BMPER: variants seen among roughly 807,000 people sequenced by gnomAD.
BMPER encodes the protein BMP binding endothelial regulator.
A neutral mutation model predicts 87.3 loss-of-function variants in BMPER; 45 were observed. The ratio of observed to expected loss-of-function variants is 0.52; its 90% CI spans 0.41 to 0.66. The LOEUF (loss-of-function observed/expected upper bound fraction) is 0.66. BMPER is among the 30% of genes least tolerant of loss of function. BMPER has a pLI of 0.00. For missense variants in BMPER, 784 were observed against 867.5 expected (o/e 0.90, Z 1.21); for synonymous variants, 326 against 316.2 (o/e 1.03, Z -0.33).
At chr7:34,115,493 CTCCTT>C (rs1183240790) in intron 13 of BMPER, among the ~76,000 whole-genome samples, 1 of 152,176 alleles carries the variant, frequency 6.6e-6, no homozygotes, top group African/African-American at 2.4e-5. Context: ...AGTAATCACT[CTCCTT>C]TTCCACCTTA....
At chr7:34,032,733 A>T (rs896592149) in intron 6 of BMPER, among the ~76,000 whole-genome samples, 4 of 152,178 alleles carry the variant, frequency 2.6e-5, no homozygotes, top group Non-Finnish European at 5.9e-5. Context: ...TGCTTTTTAA[A>T]GTAAAATTCA....
At chr7:33,944,221 A>C (rs1784828944) in intron 3 of BMPER, among the ~76,000 whole-genome samples, 1 of 152,088 alleles carries the variant, frequency 6.6e-6, no homozygotes, top group Non-Finnish European at 1.5e-5. Context: ...GCTGGAGTGC[A>C]GTAGTGTGAT....
intron 2 of BMPER, among the ~76,000 whole-genome samples, chr7:33,914,800 A>G (rs1289835780): frequency 6.6e-6 from 1 of 152,232 alleles, no homozygotes; most frequent in Non-Finnish European, 1.5e-5. Flanking sequence ...GAAAAATTAT[A>G]GAGGCAAGAG....
intron 10 of BMPER, 40 bp downstream of exon 10, chr7:34,058,203 G>T: frequency 6.4e-7 from 1 of 1,571,894 alleles, no homozygotes; most frequent in South Asian, 1.1e-5. Flanking sequence ...TTAGCGTCTT[G>T]AGAAATGTCC....
chr7:33,911,985 A>G (rs758548977), intron 2 of BMPER, among the ~76,000 whole-genome samples: 5 of 152,342 alleles, frequency 3.3e-5, no homozygotes, highest in Non-Finnish European at 7.3e-5. Context: ...AAGGTTTGTC[A>G]GAAATGTTTA....
chr7:33,956,621 C>T (rs546730379), intron 3 of BMPER, among the ~76,000 whole-genome samples: 1 of 152,216 alleles, frequency 6.6e-6, no homozygotes, highest in South Asian at 2.1e-4. Flanking sequence ...GACAGCAAGA[C>T]CAACCACTCC....
chr7:33,924,261 T>C (rs976895310), intron 2 of BMPER, among the ~76,000 whole-genome samples: 7 of 152,216 alleles, frequency 4.6e-5, no homozygotes, highest in Admixed American at 4.6e-4. Context: ...TTGGATTATT[T>C]CTAACTACCT....
intron 6 of BMPER, among the ~76,000 whole-genome samples, chr7:34,043,688 G>T (rs1284341874): frequency 6.6e-6 from 1 of 152,108 alleles, no homozygotes; most frequent in Non-Finnish European, 1.5e-5. Context: ...TATATTCACT[G>T]CTGTATCCCC....
chr7:33,911,180 G>A (rs1197147348), intron 2 of BMPER, among the ~76,000 whole-genome samples: 1 of 152,244 alleles, frequency 6.6e-6, no homozygotes, highest in African/African-American at 2.4e-5. Flanking sequence ...TTTAGAAGGT[G>A]ATGTGACCAA....
At chr7:34,141,959 C>T (rs1790886287) in intron 13 of BMPER, among the ~76,000 whole-genome samples, 1 of 152,160 alleles carries the variant, frequency 6.6e-6, no homozygotes, top group Admixed American at 6.5e-5. Flanking sequence ...CAGTTGTGCA[C>T]AGGTCCCACA....
At chr7:34,146,036 C>A (rs1279917766) in intron 14 of BMPER, among the ~76,000 whole-genome samples, 1 of 152,018 alleles carries the variant, frequency 6.6e-6, no homozygotes, top group African/African-American at 2.4e-5. Flanking sequence ...CTCTCTCTCA[C>A]ATATACACAC....
At chr7:34,076,298 T>C (rs1788863253) in intron 11 of BMPER, among the ~76,000 whole-genome samples, 1 of 152,142 alleles carries the variant, frequency 6.6e-6, no homozygotes, top group African/African-American at 2.4e-5. Flanking sequence ...AGTTTGACTC[T>C]AAAAAACAAA....
At chr7:34,137,298 T>C (rs764207074) in intron 13 of BMPER, among the ~76,000 whole-genome samples, 2 of 152,220 alleles carry the variant, frequency 1.3e-5, no homozygotes, top group Non-Finnish European at 2.9e-5. Flanking sequence ...GAGGCTGTTA[T>C]GGCCAACAGC....
chr7:34,106,626 G>C (rs1448811198), intron 13 of BMPER, among the ~76,000 whole-genome samples: 1 of 152,192 alleles, frequency 6.6e-6, no homozygotes, highest in Admixed American at 6.5e-5. Context: ...CCCAACCTCT[G>C]CCTGGTGAGT....
chr7:34,107,253 G>A (rs1054739801), intron 13 of BMPER, among the ~76,000 whole-genome samples: 1 of 152,206 alleles, frequency 6.6e-6, no homozygotes, highest in African/African-American at 2.4e-5. Flanking sequence ...ATCAGAATTA[G>A]AATAAATCTT....
intron 6 of BMPER, among the ~76,000 whole-genome samples, chr7:34,000,709 T>G (rs1291044826): frequency 6.6e-6 from 1 of 152,146 alleles, no homozygotes; most frequent in Non-Finnish European, 1.5e-5. Flanking sequence ...GTTTGAAACT[T>G]TTCAAAATTA....
chr7:33,987,123 A>G (rs1353700260), intron 6 of BMPER, among the ~76,000 whole-genome samples: 1 of 152,072 alleles, frequency 6.6e-6, no homozygotes, highest in African/African-American at 2.4e-5. Context: ...TCAAATAACT[A>G]TCCCAGAATT....
chr7:34,073,700 C>T (rs1210117919), intron 11 of BMPER, among the ~76,000 whole-genome samples: 1 of 152,352 alleles, frequency 6.6e-6, no homozygotes, highest in Admixed American at 6.5e-5. Flanking sequence ...GAGTTTGGTA[C>T]ACCATATTTT....
At chr7:34,086,135 A>T (rs1373188340) in intron 13 of BMPER, 43 bp downstream of exon 13, 1 of 1,587,408 alleles carries the variant, frequency 6.3e-7, no homozygotes. Flanking sequence ...TTGCAGACCA[A>T]TAATAGACTT....
Sources: allele counts gnomAD v4.1 joint callset (sites outside exome capture counted in the v4.1 genomes callset), GRCh38; gene constraint gnomAD v4.1.1; transcripts MANE v1.5; gene names NCBI Gene and HGNC (gene_info 2026-07-23, HGNC 2026-07-21).